Variants in CFH observed in about 807,000 individuals in gnomAD.
CFH encodes the protein H factor 1 (complement).
CFH carries 53 observed loss-of-function variants against 147.3 expected under a neutral mutation model. The ratio of observed to expected loss-of-function variants is 0.36; its 90% CI spans 0.29 to 0.45. The LOEUF (loss-of-function observed/expected upper bound fraction) is 0.45. Ranked by LOEUF, CFH falls within the 20% of genes least tolerant of loss-of-function variation. The pLI is 1.00. For synonymous variants in CFH, 536 were observed against 489.4 expected (o/e 1.10, Z -1.26); for missense variants, 1,380 against 1,498.0 (o/e 0.92, Z 1.30).
intron 6 of CFH, among the ~76,000 whole-genome samples, chr1:196,683,831 T>C (rs1373424144): frequency 2.6e-5 from 4 of 151,798 alleles, no homozygotes; most frequent in African/African-American, 9.7e-5. Context: ...TTATTATCTG[T>C]TGATGAAGAG....
intron 20 of CFH, among the ~76,000 whole-genome samples, chr1:196,745,225 T>C (rs1652959846): frequency 6.6e-6 from 1 of 152,158 alleles, no homozygotes; most frequent in African/African-American, 2.4e-5. Context: ...AATGGGAAGT[T>C]TTCAGGCATC....
At chr1:196,736,776 T>G in intron 15 of CFH, 48 bp from the exon 16 acceptor site, 1 of 949,068 alleles carries the variant, frequency 1.1e-6, no homozygotes. Flanking sequence ...AATATTTTTA[T>G]TTTTTATTTT....
At chr1:196,685,017 A>C (rs372082440) in intron 6 of CFH, 47 bp from the exon 7 acceptor site, 66 of 1,380,286 alleles carry the variant, frequency 4.8e-5, no homozygotes, top group South Asian at 1.4e-4. Flanking sequence ...GATTAATTTT[A>C]ACGGATACTT....
chr1:196,698,345 AG>A (rs1357298512), intron 9 of CFH, among the ~76,000 whole-genome samples: 1 of 152,156 alleles, frequency 6.6e-6, no homozygotes, highest in African/African-American at 2.4e-5. Flanking sequence ...TAAAGAAGAA[AG>A]GACAGAAGAA....
intron 21 of CFH, among the ~76,000 whole-genome samples, chr1:196,746,720 T>G (rs945475033): frequency 2.0e-5 from 3 of 152,306 alleles, no homozygotes; most frequent in Admixed American, 2.0e-4. Context: ...AACAATACAA[T>G]ATTATTAGCT....
chr1:196,679,452 T>C (rs1405809003), intron 5 of CFH, 171 bp from the exon 6 acceptor site: 2 of 510,104 alleles, frequency 3.9e-6, no homozygotes, highest in Non-Finnish European at 7.0e-6. Context: ...AATCAGAATT[T>C]TAACTTTCTT....
chr1:196,685,395 T>C lies in CFH; in HGVS notation c.964+158T>C, dbSNP rs35225053. Among the ~76,000 whole-genome samples, 647 of 152,240 alleles carry C rather than the reference T, an allele frequency of 4.2e-3. 6 individuals carry two copies. Among genetic ancestry groups the C allele is most frequent in the Non-Finnish European group, 4.5e-3 (306 of 67,996 alleles). ...TAGTTTTCGAAGTTGCCGAAACTCA[T>C]ATTTTTTGCTACTCAAAATTAAATG... On this transcript the variant is annotated intron_variant, in intron 7 of 21. Transcript: ENST00000367429.
rs1411002351 is a variant in CFH at position 196,720,607 on chromosome 1, G to A, written c.1697-4514G>A. Reference sequence around the variant, plus strand: ...AGTTTTATACATGTTGCTTCTGAAGGCATGATTTTATTCTTTTTTTTTCTT... The same window carrying A: ...AGTTTTATACATGTTGCTTCTGAAGACATGATTTTATTCTTTTTTTTTCTT... On this transcript the variant is annotated intron_variant, in intron 11 of 21. Coordinates refer to ENST00000367429, the MANE Select transcript of CFH (RefSeq NM_000186.4). 3.3e-5 allele frequency among the ~76,000 whole-genome samples: 5 copies of A among 151,792 alleles called. No homozygotes were observed. In the East Asian group the frequency reaches 7.7e-4, roughly 23 times the overall value.
chr1:196,661,112 G>T (rs1040514011), intron 1 of CFH, among the ~76,000 whole-genome samples: 1 of 152,090 alleles, frequency 6.6e-6, no homozygotes, highest in African/African-American at 2.4e-5. Context: ...TAGAGTATTA[G>T]CACCATCTAG....
intron 6 of CFH, among the ~76,000 whole-genome samples, chr1:196,684,511 T>G (rs1667757882): frequency 6.6e-6 from 1 of 151,996 alleles, no homozygotes; most frequent in African/African-American, 2.4e-5. Context: ...TTTTTTTTCA[T>G]GTCCTTCTTT....
chr1:196,708,806 T>C (rs1252888162), intron 9 of CFH, among the ~76,000 whole-genome samples: 8 of 152,084 alleles, frequency 5.3e-5, no homozygotes, highest in Admixed American at 5.2e-4. Flanking sequence ...ATTCTGCCCA[T>C]TTTCCCACCG....
At chr1:196,700,823 C>T (rs1354443292) in intron 9 of CFH, 1 of 985,340 alleles carries the variant, frequency 1.0e-6, no homozygotes, top group African/African-American at 1.7e-5. Context: ...TCTGTGTTGG[C>T]AGGGCAGTGC....
At chr1:196,716,508 T>C (rs947543876) in intron 11 of CFH, among the ~76,000 whole-genome samples, 1 of 152,226 alleles carries the variant, frequency 6.6e-6, no homozygotes, top group South Asian at 2.1e-4. Flanking sequence ...ATTTGATTTC[T>C]AGTTTTGTTG....
chr1:196,692,773 T>TTCC (rs1558163639), intron 9 of CFH, among the ~76,000 whole-genome samples: 9 of 85,408 alleles, frequency 1.1e-4, no homozygotes, highest in African/African-American at 3.7e-4. Context: ...TTTCTTTCTT[T>TTCC]CTTTCTTTCT....
intron 19 of CFH, 97 bp downstream of exon 19, chr1:196,742,148 G>T: frequency 8.5e-7 from 1 of 1,173,498 alleles, no homozygotes; most frequent in Non-Finnish European, 1.3e-6. Context: ...GCCGAGGTGG[G>T]CGGATCACTT....
At position 196,720,437 on chromosome 1, in the gene CFH, T is replaced by A. The variant is rs144223116; in HGVS notation, c.1696+4668T>A. 2.5e-3 allele frequency among the ~76,000 whole-genome samples: 375 copies of A among 152,074 alleles called. 11 individuals are homozygous for A. The highest frequency in any genetic ancestry group is 0.021 in the Admixed American group (317 of 15,254). ...TTTCTTATTCCTCACCCTCCTGCTATCCTGCCACATTTCTGAGTCTCCAAT... is the reference window on the plus strand; with the variant it reads ...TTTCTTATTCCTCACCCTCCTGCTAACCTGCCACATTTCTGAGTCTCCAAT... On this transcript the variant is annotated intron_variant, in intron 11 of 21. Transcript: ENST00000367429.
intron 9 of CFH, among the ~76,000 whole-genome samples, chr1:196,694,445 A>G (rs1668179047): frequency 6.6e-6 from 1 of 152,194 alleles, no homozygotes; most frequent in African/African-American, 2.4e-5. Context: ...TGCTACTGCA[A>G]ATGGTGCTGT....
intron 11 of CFH, among the ~76,000 whole-genome samples, chr1:196,723,578 G>A (rs1337974843): frequency 6.6e-6 from 1 of 152,104 alleles, no homozygotes; most frequent in Non-Finnish European, 1.5e-5. Context: ...AGAGGCAGAT[G>A]AGCCTATGCT....
At chr1:196,689,655 T>C in intron 8 of CFH, 41 bp downstream of exon 8, 1 of 1,601,556 alleles carries the variant, frequency 6.2e-7, no homozygotes. Flanking sequence ...GTATAAAACT[T>C]TCAAAGATCG....
Sources: allele counts gnomAD v4.1 joint callset (sites outside exome capture counted in the v4.1 genomes callset), GRCh38; gene constraint gnomAD v4.1.1; transcripts MANE v1.5; gene names NCBI Gene and HGNC (gene_info 2026-07-23, HGNC 2026-07-21).